The following ERBB4 variants were observed in gnomAD, a reference collection of about 807,000 sequenced individuals.
ERBB4 encodes the protein receptor tyrosine-protein kinase erbB-4.
In ERBB4, 42 loss-of-function variants were observed where a neutral mutation model predicts 158.0. The observed-to-expected ratio is 0.27, with a 90% CI of 0.21 to 0.34. The LOEUF (loss-of-function observed/expected upper bound fraction) is 0.34. Ranked by LOEUF, ERBB4 falls within the 10% of genes least tolerant of loss-of-function variation. The pLI is 1.00. For synonymous variants in ERBB4, 583 were observed against 558.7 expected (o/e 1.04, Z -0.61); for missense variants, 1,333 against 1,624.1 (o/e 0.82, Z 3.08).
rs1335615617 is a variant in ERBB4 at position 211,491,760 on chromosome 2, A to C, written c.2488-60660T>G. On this transcript the variant is annotated intron_variant, in intron 20 of 27. Coordinates refer to ENST00000342788, the MANE Select transcript of ERBB4 (RefSeq NM_005235.3). ...AATAAATCATGAATGAGATCAATGG[A>C]AACGTTTGAAATGTTAATTGTTTGC... Among the ~76,000 whole-genome samples the C allele has an allele frequency of 3.3e-5, 5 of 152,064 alleles. No individual in the cohort carries two copies. The South Asian group carries it at 6.2e-4, about 19-fold the overall frequency.
intron 1 of ERBB4, among the ~76,000 whole-genome samples, chr2:212,349,058 T>C (rs1425442007): frequency 6.6e-6 from 1 of 152,080 alleles, no homozygotes; most frequent in Non-Finnish European, 1.5e-5. Context: ...TCGAAAAGGA[T>C]ATAATGATTT....
At position 212,348,271 on chromosome 2, in the gene ERBB4, G is replaced by T. The variant is rs371965715; in HGVS notation, c.82+190178C>A. 1.1e-4 allele frequency among the ~76,000 whole-genome samples: 17 copies of T among 152,160 alleles called. No homozygotes were observed. In the South Asian group the frequency reaches 3.5e-3, roughly 32 times the overall value. The stretch of plus-strand genomic sequence containing the variant: ...CAAGAGGATCACCTATTTTGGTAAG[G>T]CACCTACTTATAGAGTCAGATATTA... On this transcript the variant is annotated intron_variant, in intron 1 of 27. Transcript: ENST00000342788.
At chr2:212,312,947 T>C (rs1368521270) in intron 1 of ERBB4, among the ~76,000 whole-genome samples, 1 of 150,918 alleles carries the variant, frequency 6.6e-6, no homozygotes, top group Non-Finnish European at 1.5e-5. Flanking sequence ...TAAGCCCTTA[T>C]AGTTTTAAAT....
At chr2:211,411,507 CTCTT>C (rs2063262209) in intron 25 of ERBB4, among the ~76,000 whole-genome samples, 1 of 152,136 alleles carries the variant, frequency 6.6e-6, no homozygotes, top group African/African-American at 2.4e-5. Context: ...AGGAGAGGAG[CTCTT>C]TCTTAAAATA....
At chr2:211,546,280 T>C (rs947463162) in intron 20 of ERBB4, among the ~76,000 whole-genome samples, 1 of 152,082 alleles carries the variant, frequency 6.6e-6, no homozygotes, top group Admixed American at 6.6e-5. Context: ...TACTAGTATA[T>C]TGATGTTTAA....
chr2:212,409,803 T>C (rs892465213), intron 1 of ERBB4, among the ~76,000 whole-genome samples: 1 of 152,118 alleles, frequency 6.6e-6, no homozygotes, highest in Non-Finnish European at 1.5e-5. Context: ...AATGAAAATG[T>C]TGATCATTAT....
At chr2:211,937,234 T>G (rs2080349884) in intron 3 of ERBB4, among the ~76,000 whole-genome samples, 1 of 151,830 alleles carries the variant, frequency 6.6e-6, no homozygotes, top group Non-Finnish European at 1.5e-5. Flanking sequence ...TGGCTTAAAT[T>G]TGTTGAAATA....
chr2:212,345,419 T>C (rs2088949360), intron 1 of ERBB4, among the ~76,000 whole-genome samples: 3 of 152,114 alleles, frequency 2.0e-5, no homozygotes, highest in Admixed American at 6.6e-5. Flanking sequence ...CATTTAGCAA[T>C]GTCTGGAGAC....
chr2:212,300,416 G>C (rs1193219504), intron 1 of ERBB4, among the ~76,000 whole-genome samples: 1 of 151,292 alleles, frequency 6.6e-6, no homozygotes, highest in Non-Finnish European at 1.5e-5. Context: ...TGTTACACAG[G>C]GTTCGCGTGT....
intron 20 of ERBB4, among the ~76,000 whole-genome samples, chr2:211,549,201 A>G (rs2067017344): frequency 6.6e-6 from 1 of 152,110 alleles, no homozygotes; most frequent in African/African-American, 2.4e-5. Flanking sequence ...TAAAATTGCA[A>G]TTTTGAAGCA....
At chr2:212,145,255 C>T (rs1031955238) in intron 1 of ERBB4, among the ~76,000 whole-genome samples, 2 of 152,136 alleles carry the variant, frequency 1.3e-5, no homozygotes, top group Admixed American at 6.5e-5. Context: ...ACTCATAAGG[C>T]TTGGATAGTA....
intron 1 of ERBB4, among the ~76,000 whole-genome samples, chr2:212,231,655 A>T (rs1228062566): frequency 6.6e-6 from 1 of 152,218 alleles, no homozygotes; most frequent in East Asian, 1.9e-4. Context: ...GTCAGGTCTG[A>T]TAGAAGCATA....
intron 3 of ERBB4, among the ~76,000 whole-genome samples, chr2:211,815,965 G>C (rs1468049382): frequency 6.6e-6 from 1 of 152,022 alleles, no homozygotes; most frequent in East Asian, 1.9e-4. Flanking sequence ...TGGGGGTGAG[G>C]GATTCTCGGT....
At chr2:211,565,361 G>C (rs1165112309) in intron 19 of ERBB4, among the ~76,000 whole-genome samples, 1 of 152,002 alleles carries the variant, frequency 6.6e-6, no homozygotes. Context: ...AACCATTGCT[G>C]GTTGCAAAAA....
chr2:212,536,803 C>G (rs1693094970), intron 1 of ERBB4, among the ~76,000 whole-genome samples: 1 of 152,166 alleles, frequency 6.6e-6, no homozygotes, highest in African/African-American at 2.4e-5. Flanking sequence ...AGTAGGTCGC[C>G]TCGTAGAAAT....
intron 1 of ERBB4, among the ~76,000 whole-genome samples, chr2:212,128,149 G>GAA (rs2079999800): frequency 6.6e-6 from 1 of 152,158 alleles, no homozygotes; most frequent in East Asian, 1.9e-4. Flanking sequence ...TATTGCCTTT[G>GAA]AGAATGCAGA....
At chr2:211,888,402 C>G (rs1032531647) in intron 3 of ERBB4, among the ~76,000 whole-genome samples, 2 of 152,196 alleles carry the variant, frequency 1.3e-5, no homozygotes, top group Admixed American at 6.5e-5. Context: ...TTATATATTT[C>G]ACAAGAATGT....
At chr2:212,482,701 C>G (rs1339569080) in intron 1 of ERBB4, among the ~76,000 whole-genome samples, 1 of 152,198 alleles carries the variant, frequency 6.6e-6, no homozygotes, top group Non-Finnish European at 1.5e-5. Context: ...ACTGCAACCT[C>G]TATCTCCTGG....
chr2:211,661,818 T>A (rs975861864), intron 15 of ERBB4, among the ~76,000 whole-genome samples: 5 of 151,262 alleles, frequency 3.3e-5, no homozygotes, highest in Non-Finnish European at 3.0e-5. Context: ...GGCGGGCGGA[T>A]CACGAGGTCA....
Sources: allele counts gnomAD v4.1 joint callset (sites outside exome capture counted in the v4.1 genomes callset), GRCh38; gene constraint gnomAD v4.1.1; transcripts MANE v1.5; gene names NCBI Gene and HGNC (gene_info 2026-07-23, HGNC 2026-07-21).